Variants in COCH observed in about 807,000 individuals in gnomAD.
COCH encodes the protein cochlin.
COCH carries 40 observed loss-of-function variants against 54.8 expected under a neutral mutation model. The observed-to-expected ratio is 0.73, with a 90% CI of 0.57 to 0.95. The LOEUF is 0.95. COCH is among the 40% of genes least tolerant of loss of function. COCH has a pLI of 0.00. For missense variants in COCH, 605 were observed against 675.0 expected (o/e 0.90, Z 1.15); for synonymous variants, 256 against 237.9 (o/e 1.08, Z -0.70).
downstream of COCH, among the ~76,000 whole-genome samples, chr14:30,892,560 T>C (rs1476911392): frequency 6.6e-6 from 1 of 152,100 alleles, no homozygotes; most frequent in African/African-American, 2.4e-5. Flanking sequence ...AGCCAGCACT[T>C]TGGGAGGCCG....
At chr14:30,892,287 AATACATTCCAAAATACGTCAATGTTT>A (rs1483100495), downstream of COCH, among the ~76,000 whole-genome samples, 4 of 152,236 alleles carry the variant, frequency 2.6e-5, no homozygotes, top group Non-Finnish European at 4.4e-5. Flanking sequence ...TTTCAGTTTT[AATACATTCCAAAATACGTCAATGTTT>A]ATGCATTCCA....
chr14:30,875,362 C>T (rs1895319500), intron 3 of COCH: 1 of 607,926 alleles, frequency 1.6e-6, no homozygotes, highest in Non-Finnish European at 2.9e-6. Context: ...AAGGCCTCCT[C>T]CAGGCCCACC....
Position 30,878,906 on chromosome 14 carries a change from A to G in COCH, c.335A>G (p.Gln112Arg), listed in dbSNP as rs1216343321. The G allele has an allele frequency of 6.2e-7, 1 of 1,614,144 alleles. No individual in the cohort carries two copies. Among genetic ancestry groups the G allele is most frequent in the Non-Finnish European group, 8.5e-7 (1 of 1,180,022 alleles). The change falls in exon 5 of 12, where the codon CAA becomes CGA. Residue 112 changes from glutamine to arginine, a missense_variant. Physicochemically the swap from Gln to Arg is conservative, Grantham distance 43. Transcript: ENST00000396618. ...SSVDANGIQS[Q>R]MLSRWSASFT... ...GTAGATGCCAATGGCATCCAGTCTC[A>G]AATGCTTTCTAGATGGTCTGCTTCT...
At chr14:30,887,395 A>G (rs911648940) in intron 11 of COCH, among the ~76,000 whole-genome samples, 1 of 151,118 alleles carries the variant, frequency 6.6e-6, no homozygotes, top group African/African-American at 2.4e-5. Flanking sequence ...CTCTGTCTCA[A>G]AAAGAAAAAA....
At chr14:30,883,240 TCA>T (rs374563669) in intron 8 of COCH, among the ~76,000 whole-genome samples, 3 of 152,230 alleles carry the variant, frequency 2.0e-5, no homozygotes, top group African/African-American at 4.8e-5. Context: ...GCTTTGATTA[TCA>T]CAGTTTTATT....
At chr14:30,880,322 G>T in intron 6 of COCH, 130 bp from the exon 7 acceptor site, 1 of 1,379,328 alleles carries the variant, frequency 7.2e-7, no homozygotes, top group South Asian at 1.3e-5. Context: ...AGAAAATCCT[G>T]AGGAAATTAA....
intron 6 of COCH, 53 bp from the exon 7 acceptor site, chr14:30,880,399 T>C: frequency 6.2e-7 from 1 of 1,606,486 alleles, no homozygotes; most frequent in Non-Finnish European, 8.5e-7. Flanking sequence ...TGTGGGTTTC[T>C]TGCTATGTAA....
intron 11 of COCH, among the ~76,000 whole-genome samples, chr14:30,888,788 C>G (rs1895879888): frequency 7.5e-6 from 1 of 133,728 alleles, no homozygotes; most frequent in African/African-American, 2.8e-5. Context: ...CAGACCCTGT[C>G]TGAGAAAAAA....
At chr14:30,894,176 T>G (rs1263332615), downstream of COCH, 1 of 152,446 alleles carries the variant, frequency 6.6e-6, no homozygotes, top group Non-Finnish European at 1.5e-5. Context: ...ACACAGCAGA[T>G]TTCTGTATCC....
chr14:30,885,198 T>C, intron 9 of COCH, 196 bp from the exon 10 acceptor site: 2 of 1,039,644 alleles, frequency 1.9e-6, no homozygotes, highest in Non-Finnish European at 2.8e-6. Flanking sequence ...TAAATAGGCC[T>C]GGTAGATAAT....
At chr14:30,880,561 G>A (rs755127637) in intron 7 of COCH, 26 bp from the exon 8 acceptor site, 35 of 1,614,028 alleles carry the variant, frequency 2.2e-5, no homozygotes, top group South Asian at 5.5e-5. Flanking sequence ...GACTGCTAAT[G>A]AGGGGACTGG....
At chr14:30,881,189 T>G (rs574491858) in intron 8 of COCH, among the ~76,000 whole-genome samples, 1 of 134,652 alleles carries the variant, frequency 7.4e-6, no homozygotes, top group African/African-American at 2.8e-5. Flanking sequence ...CACTCCAGCC[T>G]GGGCAACAGT....
chr14:30,885,342 T>C (rs1212989224), intron 9 of COCH, 52 bp from the exon 10 acceptor site: 2 of 1,413,854 alleles, frequency 1.4e-6, no homozygotes, highest in East Asian at 4.6e-5. Flanking sequence ...GAAACAGAAA[T>C]GTGGTTTGAG....
rs1801963 is a variant in COCH, at chr14:30,889,732, C to A, written c.1594C>A (p.Pro532Thr). The change falls in exon 12 of 12, where the codon CCA becomes ACA. Residue 532 changes from proline (P) to threonine (T), a missense_variant. By Grantham distance (38) the Pro-to-Thr change is conservative. Transcript: ENST00000396618. ...FFTREFTGLE[P>T]IVSDVIRGIC... ...CACAAGAGAGTTCACAGGATTAGAACCAATTGTTTCTGATGTCATCAGAGG... is the reference window on the plus strand; with the variant it reads ...CACAAGAGAGTTCACAGGATTAGAAACAATTGTTTCTGATGTCATCAGAGG... The A allele has an allele frequency of 1.9e-6, 3 of 1,613,718 alleles. No homozygotes were observed. In the East Asian group the frequency reaches 6.7e-5, roughly 36 times the overall value.
At position 30,874,970 on chromosome 14, in the gene COCH, T is replaced by A; in HGVS notation, c.32T>A (p.Leu11His). The A allele has an allele frequency of 2.5e-6, 4 of 1,613,362 alleles. No homozygotes were observed. The highest frequency in any genetic ancestry group is 3.4e-6 in the Non-Finnish European group (4 of 1,179,838). The change falls in exon 2 of 12, where the codon CTC becomes CAC. Residue 11 changes from leucine (L) to histidine (H), a missense_variant and splice_region_variant. Leu to His is a moderately conservative substitution (Grantham distance 99). Transcript: ENST00000396618. MSAAWIPALG[L>H]GVCLLLLPGP... ...GCAGCCTGGATCCCGGCTCTCGGCC[T>A]CGGTGGGTGCGCGCCCCTCACGACC...
intron 11 of COCH, among the ~76,000 whole-genome samples, chr14:30,887,399 GAAA>G (rs1204767410): frequency 1.8e-5 from 2 of 111,904 alleles, no homozygotes; most frequent in Non-Finnish European, 4.2e-5. Flanking sequence ...GTCTCAAAAA[GAAA>G]AAAAAAAAAA....
Position 30,875,252 on chromosome 14 carries a change from G to C in COCH, c.82+149G>C, listed in dbSNP as rs149627009. 11 of 1,115,230 alleles carry C rather than the reference G, an allele frequency of 9.9e-6. No individual in the cohort carries two copies. In the African/African-American group the frequency reaches 1.5e-4, roughly 16 times the overall value. The allele number at this position is 1,115,230 out of a possible 1,614,324, so 69.1% of individuals were successfully genotyped here. The stretch of plus-strand genomic sequence containing the variant: ...TTGAGCCGCCGCGTGGCGCGCCCGC[G>C]TTAACCCCTGCAGCCGATCTGCTCC... On this transcript the variant is annotated intron_variant, in intron 3 of 11. Transcript: ENST00000396618.
intron 4 of COCH, 96 bp from the exon 5 acceptor site, chr14:30,878,715 A>G (rs768088569): frequency 4.8e-4 from 745 of 1,557,546 alleles, no homozygotes; most frequent in Non-Finnish European, 6.4e-4. Flanking sequence ...TATTTTCTTG[A>G]TTAATCAAAG....
chr14:30,874,892 GC>G lies in COCH; in HGVS notation c.-23-21del, dbSNP rs561171408. 155 of 1,611,090 alleles carry G rather than the reference GC, an allele frequency of 9.6e-5. 1 individual carries two copies. In the South Asian group the frequency reaches 1.7e-3, roughly 17 times the overall value. ...GCGGGGCCTCCCGCACCCTGGCCTT[GC>G]CCGCATTCTCCCTCTCTCCCAGGTG... On this transcript the variant is annotated intron_variant, in intron 1 of 11. Transcript: ENST00000396618.
Sources: gnomAD v4.1 joint callset for allele counts (sites outside exome capture counted in the v4.1 genomes callset) on GRCh38, gnomAD v4.1.1 for gene constraint, MANE v1.5 for transcripts, NCBI Gene and HGNC (gene_info 2026-07-23, HGNC 2026-07-21) for gene names.